The following PDLIM7 variants were observed in gnomAD, a reference collection of about 807,000 sequenced individuals.
PDLIM7 encodes the protein PDZ and LIM domain protein 7.
In PDLIM7, 37 loss-of-function variants were observed where a neutral mutation model predicts 53.9. The observed-to-expected ratio is 0.69, with a 90% CI of 0.53 to 0.90. The LOEUF (loss-of-function observed/expected upper bound fraction) is 0.90. Among genes scored for constraint, PDLIM7 ranks in the 40% least tolerant of loss-of-function variants. The pLI is 0.00. For missense variants in PDLIM7, 617 were observed against 638.5 expected, an observed-to-expected ratio of 0.97 and a Z score of 0.36; for synonymous variants, 300 against 261.3, an observed-to-expected ratio of 1.15 and a Z score of -1.43.
chr5:177,486,999 A>G (rs1758498774), intron 10 of PDLIM7, among the ~76,000 whole-genome samples: 1 of 117,968 alleles, frequency 8.5e-6, no homozygotes, highest in Admixed American at 1.2e-4. Flanking sequence ...CAGTGGCACA[A>G]TCTTGGCTCA....
intron 2 of PDLIM7, among the ~76,000 whole-genome samples, chr5:177,494,235 G>A (rs779656960): frequency 1.3e-5 from 2 of 152,206 alleles, no homozygotes; most frequent in African/African-American, 2.4e-5. Context: ...CTAGTAAGAG[G>A]CAGAGCCAGG....
At chr5:177,494,320 C>A (rs1758956719) in intron 2 of PDLIM7, among the ~76,000 whole-genome samples, 1 of 152,210 alleles carries the variant, frequency 6.6e-6, no homozygotes, top group Admixed American at 6.5e-5. Flanking sequence ...GAGGGGTCAG[C>A]CCACCTGGAG....
intron 10 of PDLIM7, among the ~76,000 whole-genome samples, chr5:177,485,628 C>G (rs1407721345): frequency 6.6e-6 from 1 of 152,230 alleles, no homozygotes; most frequent in Admixed American, 6.5e-5. Context: ...ACCTCTTCTT[C>G]TGGGAGCAGT....
chr5:177,495,649 G>A (rs1222755010), intron 2 of PDLIM7, among the ~76,000 whole-genome samples: 1 of 152,228 alleles, frequency 6.6e-6, no homozygotes, highest in Non-Finnish European at 1.5e-5. Context: ...TCTGCAGACC[G>A]CAGCCACTGT....
At chr5:177,490,757 GGAAGGA>G (rs1561703156) in intron 7 of PDLIM7, 107 bp downstream of exon 7, 19,708 of 1,015,370 alleles carry the variant, frequency 0.019, 1,058 homozygotes, top group East Asian at 0.027. Context: ...AAGGAAGGAA[GGAAGGA>G]AGGGAGAATT....
rs1244055857 is a variant in PDLIM7, at chr5:177,484,073, G to A, written c.1168C>T (p.Arg390Ter). 4 of 1,613,944 alleles carry A rather than the reference G, an allele frequency of 2.5e-6. No individual in the cohort carries two copies. Among genetic ancestry groups the A allele is most frequent in the Non-Finnish European group, 3.4e-6 (4 of 1,179,962 alleles). ...YMEEGVPYCE[R>*]DYEKMFGTKC... Reference sequence around the variant, plus strand: ...ACCCTCACTGGCCAGTGGGTACCTCGCTCGCAATAGGGCACGCCCTCCTCC... The same window carrying A: ...ACCCTCACTGGCCAGTGGGTACCTCACTCGCAATAGGGCACGCCCTCCTCC... The change falls in exon 11 of 13, where the codon CGA becomes TGA. Residue 390 changes from arginine to a stop codon, truncating the protein, a stop_gained. Transcript: ENST00000355841. LOFTEE classifies it high-confidence loss of function.
intron 2 of PDLIM7, 42 bp downstream of exon 2, chr5:177,496,375 G>T: frequency 4.8e-6 from 7 of 1,457,492 alleles, no homozygotes; most frequent in Non-Finnish European, 6.4e-6. Flanking sequence ...CCTAAGCACC[G>T]AAAGACCGCT....
At position 177,492,856 on chromosome 5, in the gene PDLIM7, A is replaced by C. The variant is rs1204198546; in HGVS notation, c.97-179T>G. 4.9e-6 allele frequency: 3 copies of C among 616,224 alleles called. No homozygotes were observed. In the East Asian group the frequency reaches 8.3e-5, roughly 17 times the overall value. The allele number at this position is 616,224 out of a possible 1,614,324, so 38.2% of individuals were successfully genotyped here. ...AGCAACCCAGGAGGTGGTGGCGCTC[A>C]CCTGAGCTTCACAATTTCCCAGTCA... On this transcript the variant is annotated intron_variant, in intron 2 of 12. Transcript: ENST00000355841.
chr5:177,484,002 GA>G lies in PDLIM7; in HGVS notation c.1172-21del. 1 of 1,613,512 alleles carries G rather than the reference GA, an allele frequency of 6.2e-7. No individual in the cohort carries two copies. Among genetic ancestry groups the G allele is most frequent in the Non-Finnish European group, 8.5e-7 (1 of 1,179,680 alleles). On this transcript the variant is annotated intron_variant, in intron 11 of 12. Transcript: ENST00000355841. Reference sequence around the variant, plus strand: ...CATAGTCTGAGAATGGGGGCAGAGAGAAAGAGGACCTGGATTCATGCCTGCC... The same window carrying G: ...CATAGTCTGAGAATGGGGGCAGAGAGAAGAGGACCTGGATTCATGCCTGCC...
Position 177,491,198 on chromosome 5 carries a change from C to T in PDLIM7, c.399-52G>A. ...CCACACTGGGGGTGGGCGGTGGGGG[C>T]AGCCCCTCCCAGGATTTGGTGCATG... is the stretch of plus-strand genomic sequence containing the variant. On this transcript the variant is annotated intron_variant, in intron 5 of 12. Transcript: ENST00000355841. 4 of 1,547,832 alleles carry T rather than the reference C, an allele frequency of 2.6e-6. No individual in the cohort carries two copies. The South Asian group carries it at 3.6e-5, about 14-fold the overall frequency.
Position 177,487,946 on chromosome 5 carries a change from T to C in PDLIM7, c.1050+122A>G, listed in dbSNP as rs1758544577. On this transcript the variant is annotated intron_variant, in intron 10 of 12. Transcript: ENST00000355841. ...GGTGAGGCCAGTACAGCAGCCCATTTATTACGCTGGTAAGGACCCGGAGGG... is the reference window on the plus strand; with the variant it reads ...GGTGAGGCCAGTACAGCAGCCCATTCATTACGCTGGTAAGGACCCGGAGGG... 3 of 869,846 alleles carry C rather than the reference T, an allele frequency of 3.4e-6. No individual in the cohort carries two copies. The East Asian group carries it at 8.0e-5, about 23-fold the overall frequency. 53.9% of individuals were successfully genotyped at this position (869,846 alleles called of 1,614,324 possible). A position where few individuals can be genotyped will look rare whatever the true frequency, so the allele number is the denominator to read the frequency against.
At chr5:177,484,329 C>T (rs927688606) in intron 10 of PDLIM7, 139 bp from the exon 11 acceptor site, 6 of 1,001,750 alleles carry the variant, frequency 6.0e-6, no homozygotes, top group Non-Finnish European at 7.3e-6. Flanking sequence ...GACTCCCACA[C>T]CTCCATCTCC....
At chr5:177,486,796 A>C (rs369541952) in intron 10 of PDLIM7, among the ~76,000 whole-genome samples, 3 of 148,244 alleles carry the variant, frequency 2.0e-5, no homozygotes, top group East Asian at 4.0e-4. Flanking sequence ...ATGCCCGGCC[A>C]ATTTTTTTGT....
At chr5:177,494,185 G>A (rs1051407068) in intron 2 of PDLIM7, among the ~76,000 whole-genome samples, 1 of 152,210 alleles carries the variant, frequency 6.6e-6, no homozygotes, top group Non-Finnish European at 1.5e-5. Context: ...ACTTGCAAAT[G>A]TACACAGAGA....
At chr5:177,490,306 A>G (rs1263965040) in intron 7 of PDLIM7, 2 of 1,444,772 alleles carry the variant, frequency 1.4e-6, no homozygotes, top group African/African-American at 1.4e-5. Flanking sequence ...CAGCAGTACC[A>G]CAGGGCAAAG....
At position 177,489,632 on chromosome 5, in the gene PDLIM7, C is replaced by T. The variant is rs375724798; in HGVS notation, c.635-5G>A. 1.9e-5 allele frequency: 30 copies of T among 1,580,588 alleles called. No homozygotes were observed. The highest frequency in any genetic ancestry group is 1.7e-4 in the Middle Eastern group (1 of 5,974). On this transcript the variant is annotated splice_polypyrimidine_tract_variant and splice_region_variant and intron_variant, in intron 8 of 12. Transcript: ENST00000355841. ...TAGGGCTGGGGGCGGTAGGGCCTGC[C>T]GGGGAAAGTGACTCTAAAGGGGTGC...
chr5:177,490,742 G>T lies in PDLIM7; in HGVS notation c.572+128C>A, dbSNP rs1159996015. On this transcript the variant is annotated intron_variant, in intron 7 of 12. Coordinates refer to ENST00000355841, the MANE Select transcript of PDLIM7 (RefSeq NM_005451.5). ...GGAAGGAAGGAAGGAAGGAAGGAAGGAAGGAAGGAAGGAAGGAAGGAAGGG... is the reference window on the plus strand; with the variant it reads ...GGAAGGAAGGAAGGAAGGAAGGAAGTAAGGAAGGAAGGAAGGAAGGAAGGG... The T allele has an allele frequency of 7.2e-5, 65 of 897,522 alleles. 3 individuals carry two copies. In the Admixed American group the frequency reaches 1.1e-3, roughly 15 times the overall value. The allele number at this position is 897,522 out of a possible 1,614,324, so 55.6% of individuals were successfully genotyped here.
intron 7 of PDLIM7, 111 bp downstream of exon 7, chr5:177,490,753 GGAAGGA>G (rs1758722789): frequency 1.4e-5 from 14 of 1,030,882 alleles, no homozygotes; most frequent in South Asian, 7.8e-5. Flanking sequence ...AAGGAAGGAA[GGAAGGA>G]AGGAAGGGAG....
At position 177,490,914 on chromosome 5, in the gene PDLIM7, G is replaced by A. The variant is rs335464; in HGVS notation, c.536-8C>T. ...CCTCATCCGGGTCTTGCACTGAGAG[G>A]GCAGAGGCAGGCATTGACCAAAAAA... On this transcript the variant is annotated splice_region_variant and splice_polypyrimidine_tract_variant and intron_variant, in intron 6 of 12. Coordinates refer to ENST00000355841, the MANE Select transcript of PDLIM7 (RefSeq NM_005451.5). 1,241 of 1,614,118 alleles carry A rather than the reference G, an allele frequency of 7.7e-4. 4 individuals are homozygous for A. In the African/African-American group the frequency reaches 0.014, roughly 19 times the overall value.
Sources: allele counts gnomAD v4.1 joint callset (sites outside exome capture counted in the v4.1 genomes callset), GRCh38; gene constraint gnomAD v4.1.1; transcripts MANE v1.5; gene names NCBI Gene and HGNC (gene_info 2026-07-23, HGNC 2026-07-21).